Variants in WRAP53 observed in about 807,000 individuals in gnomAD.
WRAP53 encodes WD repeat containing antisense to TP53.
In WRAP53, 28 loss-of-function variants were observed where a neutral mutation model predicts 56.6. The ratio of observed to expected loss-of-function variants is 0.50; its 90% CI spans 0.37 to 0.68. The LOEUF (loss-of-function observed/expected upper bound fraction) is 0.68, where lower values mean the gene tolerates loss of function less well. Among genes scored for constraint, WRAP53 ranks in the 30% least tolerant of loss-of-function variants. WRAP53 has a pLI of 0.00. For missense variants in WRAP53, 671 were observed against 715.5 expected (o/e 0.94, Z 0.71); for synonymous variants, 283 against 283.4 (o/e 1.00, Z 0.01).
At position 7,701,439 on chromosome 17, in the gene WRAP53, A is replaced by T; in HGVS notation, c.732-20A>T. ...CTTCCTTTGACAGCACCGGGGTTTC[A>T]GTGTCCATGTCTCTCTCAGCGTGGC... On this transcript the variant is annotated intron_variant, in intron 5 of 10. Transcript: ENST00000396463. The surrounding 1 kb of genome is among the most constrained non-coding windows in gnomAD (Gnocchi z 4.2). The T allele has an allele frequency of 6.2e-7, 1 of 1,613,884 alleles. No homozygotes were observed. Among genetic ancestry groups the T allele is most frequent in the Non-Finnish European group, 8.5e-7 (1 of 1,179,772 alleles).
chr17:7,699,523 T>TATATAA (rs2074245964), intron 4 of WRAP53, among the ~76,000 whole-genome samples: 1 of 32,836 alleles, frequency 3.0e-5, no homozygotes, highest in Non-Finnish European at 5.7e-5. Context: ...TATATATATT[T>TATATAA]ATATATATAT....
At chr17:7,699,410 ACT>A (rs1401631549) in intron 4 of WRAP53, among the ~76,000 whole-genome samples, 1 of 134,158 alleles carries the variant, frequency 7.5e-6, no homozygotes, top group Non-Finnish European at 1.6e-5. Context: ...ACAGAGTGAG[ACT>A]CTGCCTTTAA....
intron 4 of WRAP53, among the ~76,000 whole-genome samples, chr17:7,697,104 C>T (rs537015993): frequency 7.9e-5 from 12 of 151,866 alleles, no homozygotes; most frequent in African/African-American, 9.7e-5. Context: ...GTGGATCACC[C>T]GAGGTCAGGA....
At chr17:7,693,586 G>A (rs2151089392) in intron 4 of WRAP53, among the ~76,000 whole-genome samples, 1 of 152,054 alleles carries the variant, frequency 6.6e-6, no homozygotes, top group South Asian at 2.1e-4. Flanking sequence ...GGGCTTAGTG[G>A]CGGGCGCCTG....
intron 4 of WRAP53, among the ~76,000 whole-genome samples, chr17:7,699,512 A>ATATT (rs1555530508): frequency 7.7e-5 from 2 of 25,972 alleles, no homozygotes; most frequent in Admixed American, 5.9e-4. Context: ...TTATATATAT[A>ATATT]TATATATATT....
Sources: gnomAD v4.1 joint callset for allele counts (sites outside exome capture counted in the v4.1 genomes callset) on GRCh38, gnomAD v4.1.1 for gene constraint, Gnocchi (gnomAD v3.1) non-coding constraint, MANE v1.5 for transcripts, NCBI Gene and HGNC (gene_info 2026-07-23, HGNC 2026-07-21) for gene names.